The following USH2A variants were observed in gnomAD, a reference collection of about 807,000 sequenced individuals.
USH2A encodes Usher syndrome 2A (autosomal recessive, mild).
In USH2A, 443 loss-of-function variants were observed where a neutral mutation model predicts 538.9. The ratio of observed to expected loss-of-function variants is 0.82; its 90% CI spans 0.76 to 0.89. The LOEUF (loss-of-function observed/expected upper bound fraction) is 0.89. Ranked by LOEUF, USH2A falls within the 40% of genes least tolerant of loss-of-function variation. The pLI is 0.00. For missense variants in USH2A, 6,633 were observed against 6,324.8 expected (o/e 1.05, Z -1.65); for synonymous variants, 2,413 against 2,273.5 (o/e 1.06, Z -1.75).
intron 9 of USH2A, among the ~76,000 whole-genome samples, chr1:216,303,010 A>G (rs1373083216): frequency 2.0e-5 from 3 of 151,950 alleles, no homozygotes; most frequent in African/African-American, 7.2e-5. Context: ...GAGGCCTTGC[A>G]TTCTTATTTG....
intron 22 of USH2A, among the ~76,000 whole-genome samples, chr1:216,095,649 C>T (rs1234152277): frequency 1.3e-5 from 2 of 152,182 alleles, no homozygotes; most frequent in Admixed American, 1.3e-4. Flanking sequence ...AGAGCCCTGT[C>T]AAGTCATGAG....
rs1655895020 is a variant in USH2A at position 215,623,824 on chromosome 1, C to A, written c.*1957G>T. 6.6e-6 allele frequency: 1 copy of A among 152,014 alleles called. No homozygotes were observed. The highest frequency in any genetic ancestry group is 1.5e-5 in the Non-Finnish European group (1 of 67,998). The allele number at this position is 152,014 out of a possible 1,614,324, so 9.4% of individuals were successfully genotyped here. On this transcript the variant is annotated 3_prime_UTR_variant, in exon 72 of 72. Coordinates refer to ENST00000307340, the MANE Select transcript of USH2A (RefSeq NM_206933.4). ...TGATAAAGATACCTGGTTAATTTTT[C>A]AAAAATCAGGATAAACTCAATCTTC...
intron 3 of USH2A, among the ~76,000 whole-genome samples, chr1:216,405,534 T>C (rs1258214654): frequency 6.6e-6 from 1 of 152,226 alleles, no homozygotes; most frequent in Non-Finnish European, 1.5e-5. Flanking sequence ...GTAAAATAAA[T>C]GTAGCCTTTA....
chr1:216,171,450 C>T (rs926473964), intron 21 of USH2A, among the ~76,000 whole-genome samples: 1 of 152,042 alleles, frequency 6.6e-6, no homozygotes, highest in Admixed American at 6.6e-5. Flanking sequence ...GCATATTACT[C>T]ATGCCCTAGA....
intron 30 of USH2A, among the ~76,000 whole-genome samples, chr1:216,058,495 A>G (rs574624888): frequency 6.7e-6 from 1 of 149,076 alleles, no homozygotes; most frequent in South Asian, 2.1e-4. Context: ...AATTATCAGC[A>G]TTGCAGCAGT....
intron 35 of USH2A, among the ~76,000 whole-genome samples, chr1:215,987,083 T>C (rs984626826): frequency 1.3e-5 from 2 of 152,234 alleles, no homozygotes; most frequent in African/African-American, 4.8e-5. Flanking sequence ...TAGTTTAAAA[T>C]GTCACTGTAA....
rs1233085613 is a variant in USH2A at position 215,867,126 on chromosome 1, C to T, written c.8726G>A (p.Gly2909Asp). 2.5e-5 allele frequency: 40 copies of T among 1,613,952 alleles called. No homozygotes were observed. The highest frequency in any genetic ancestry group is 3.3e-5 in the Non-Finnish European group (39 of 1,180,006). Residue 2909 changes from glycine (G) to aspartate (D), a missense_variant, in exon 44 of 72, where the codon GGT becomes GAT. Physicochemically the swap from Gly to Asp is moderately conservative, Grantham distance 94. Coordinates refer to ENST00000307340, the MANE Select transcript of USH2A (RefSeq NM_206933.4). ...AGTCACTTCTCGGCTCGGTGTAAAA[C>T]CCACACTGTTGTGTACGAAGAGCAT... ...EYMLFVHNSV[G>D]FTPSREVTVT... is the part of the protein sequence containing the mutation.
At chr1:216,396,590 A>G (rs1358430002) in intron 3 of USH2A, among the ~76,000 whole-genome samples, 1 of 152,200 alleles carries the variant, frequency 6.6e-6, no homozygotes, top group Non-Finnish European at 1.5e-5. Flanking sequence ...TATTTTAATC[A>G]TTACACGAAC....
At chr1:216,254,782 A>G (rs2036228991) in intron 11 of USH2A, among the ~76,000 whole-genome samples, 1 of 152,144 alleles carries the variant, frequency 6.6e-6, no homozygotes, top group African/African-American at 2.4e-5. Flanking sequence ...TCACAGACAA[A>G]TGAGAGAGCC....
At chr1:216,084,163 T>C (rs1402415493) in intron 25 of USH2A, among the ~76,000 whole-genome samples, 1 of 152,016 alleles carries the variant, frequency 6.6e-6, no homozygotes, top group Non-Finnish European at 1.5e-5. Flanking sequence ...ATGTCAGGGG[T>C]AAGCTACAGA....
chr1:216,270,710 ATTT>A lies in USH2A; in HGVS notation c.1971+18567_1971+18569del, dbSNP rs11351472. ...TATCAATTAATTTTCATTCATTCCA[ATTT>A]TTTTTTTTTTTTAAGAGACAGGGTC... On this transcript the variant is annotated intron_variant, in intron 11 of 71. Coordinates refer to ENST00000307340, the MANE Select transcript of USH2A (RefSeq NM_206933.4). Among the ~76,000 whole-genome samples the A allele has an allele frequency of 2.1e-3, 313 of 148,370 alleles. 3 individuals are homozygous for A. The highest frequency in any genetic ancestry group is 6.8e-3 in the African/African-American group (277 of 40,518).
rs554624086 is a variant in USH2A at position 216,224,229 on chromosome 1, G to T, written c.2994-6679C>A. ...GAACTGGAGCAGTCCTGGGGGCTAT[G>T]GGGGAGAGTAGTCATAGTCACAGGT... On this transcript the variant is annotated intron_variant, in intron 14 of 71. Coordinates refer to ENST00000307340, the MANE Select transcript of USH2A (RefSeq NM_206933.4). Among the ~76,000 whole-genome samples, 36 of 152,296 alleles carry T rather than the reference G, an allele frequency of 2.4e-4. 1 individual carries two copies. In the South Asian group the frequency reaches 7.3e-3, roughly 31 times the overall value.
At chr1:216,344,805 T>A (rs2038142505) in intron 4 of USH2A, among the ~76,000 whole-genome samples, 1 of 151,646 alleles carries the variant, frequency 6.6e-6, no homozygotes, top group Non-Finnish European at 1.5e-5. Context: ...TTAAGAAGGT[T>A]AGAGTCCTTC....
intron 61 of USH2A, among the ~76,000 whole-genome samples, chr1:215,707,646 G>A (rs531667094): frequency 1.3e-5 from 2 of 152,318 alleles, no homozygotes; most frequent in African/African-American, 4.8e-5. Flanking sequence ...AAAGCTCTGA[G>A]ATTGGTTTGT....
At chr1:215,677,961 GCCCAAAGCCTAAA>G (rs561222932) in intron 62 of USH2A, among the ~76,000 whole-genome samples, 52 of 152,182 alleles carry the variant, frequency 3.4e-4, no homozygotes, top group African/African-American at 1.2e-3. Flanking sequence ...CTCATCAATA[GCCCAAAGCCTAAA>G]CCCAAAACTC....
chr1:215,936,972 A>G (rs902791152), intron 37 of USH2A, among the ~76,000 whole-genome samples: 4 of 152,130 alleles, frequency 2.6e-5, no homozygotes, highest in Non-Finnish European at 4.4e-5. Flanking sequence ...GTTATTTAAA[A>G]AGATACTTAT....
In USH2A at chr1:216,048,578, C is replaced by G. The variant is rs748371326; in HGVS notation, c.6119G>C (p.Cys2040Ser). Residue 2040 changes from cysteine to serine, a missense_variant, in exon 31 of 72, where the codon TGT becomes TCT. Coordinates refer to ENST00000307340, the MANE Select transcript of USH2A (RefSeq NM_206933.4). ...VTLTACTLAG[C>S]TESSHALNIS... Reference sequence around the variant, plus strand: ...GTTCAATGCATGTGAGCTCTCAGTACAGCCAGCCAAAGTGCAAGCAGTTAG... The same window carrying G: ...GTTCAATGCATGTGAGCTCTCAGTAGAGCCAGCCAAAGTGCAAGCAGTTAG... 6 of 1,613,976 alleles carry G rather than the reference C, an allele frequency of 3.7e-6. No individual in the cohort carries two copies. The Admixed American group carries it at 1.0e-4, about 27-fold the overall frequency.
intron 9 of USH2A, among the ~76,000 whole-genome samples, chr1:216,313,962 G>T (rs1445724606): frequency 2.6e-5 from 4 of 152,040 alleles, no homozygotes; most frequent in Non-Finnish European, 5.9e-5. Flanking sequence ...TCTGTCTTTG[G>T]TGATTATCAG....
chr1:215,655,804 C>T lies in USH2A; in HGVS notation c.14134-5003G>A, dbSNP rs192785449. Among the ~76,000 whole-genome samples the T allele has an allele frequency of 3.1e-3, 439 of 141,796 alleles. 2 individuals are homozygous for T. The highest frequency in any genetic ancestry group is 0.011 in the African/African-American group (412 of 38,644). The allele number at this position is 141,796 out of a possible 152,430, so 93.0% of individuals were successfully genotyped here. A position where few individuals can be genotyped will look rare whatever the true frequency, so the allele number is the denominator to read the frequency against. ...ACGCTGGAATGGAGTGGCGCGATCT[C>T]GACTCACTGCGATCTCCACCTCCTG... On this transcript the variant is annotated intron_variant, in intron 64 of 71. Coordinates refer to ENST00000307340, the MANE Select transcript of USH2A (RefSeq NM_206933.4).
Sources: gnomAD v4.1 joint callset for allele counts (sites outside exome capture counted in the v4.1 genomes callset) on GRCh38, gnomAD v4.1.1 for gene constraint, MANE v1.5 for transcripts, NCBI Gene and HGNC (gene_info 2026-07-23, HGNC 2026-07-21) for gene names.